TRPM3: variants seen among roughly 807,000 people sequenced by gnomAD.
TRPM3 encodes the protein long transient receptor potential channel 3.
In TRPM3, 77 loss-of-function variants were observed where a neutral mutation model predicts 181.2. The observed-to-expected ratio is 0.42, with a 90% CI of 0.35 to 0.51. The LOEUF (loss-of-function observed/expected upper bound fraction) is 0.51. Ranked by LOEUF, TRPM3 falls within the 20% of genes least tolerant of loss-of-function variation. The probability of loss-of-function intolerance (pLI) is 0.01; values close to 1 mark genes in which losing one functional copy is unlikely to be tolerated. For missense variants in TRPM3, 1,759 were observed against 2,196.7 expected (o/e 0.80, Z 3.98); for synonymous variants, 745 against 796.4 (o/e 0.94, Z 1.09).
chr9:71,331,888 A>AGG (rs2090199429), intron 1 of TRPM3, among the ~76,000 whole-genome samples: 1 of 7,808 alleles, frequency 1.3e-4, no homozygotes, highest in African/African-American at 5.9e-4. Flanking sequence ...GAGGAGGAAG[A>AGG]AGGGGAGGAA....
At chr9:70,765,990 T>G (rs1405852258) in intron 7 of TRPM3, among the ~76,000 whole-genome samples, 1 of 152,204 alleles carries the variant, frequency 6.6e-6, no homozygotes, top group African/African-American at 2.4e-5. Context: ...CAAAGTCATC[T>G]TATTTATGGA....
chr9:70,604,280 G>T (rs150770643), intron 19 of TRPM3, among the ~76,000 whole-genome samples: 1 of 152,286 alleles, frequency 6.6e-6, no homozygotes, highest in Non-Finnish European at 1.5e-5. Context: ...GTTGTGTCAA[G>T]GTGAGTGAAG....
intron 1 of TRPM3, among the ~76,000 whole-genome samples, chr9:71,420,602 AG>A (rs1565556268): frequency 6.8e-6 from 1 of 147,902 alleles, no homozygotes; most frequent in Non-Finnish European, 1.5e-5. Context: ...GAGAAAGAGA[AG>A]AGAAAGAAAG....
intron 1 of TRPM3, among the ~76,000 whole-genome samples, chr9:70,880,048 T>C (rs2095957494): frequency 6.6e-6 from 1 of 152,184 alleles, no homozygotes; most frequent in South Asian, 2.1e-4. Flanking sequence ...ATCTCCACCC[T>C]GCCTTCTGTT....
chr9:70,925,407 T>C (rs1410451629), intron 1 of TRPM3, among the ~76,000 whole-genome samples: 1 of 152,114 alleles, frequency 6.6e-6, no homozygotes, highest in Non-Finnish European at 1.5e-5. Flanking sequence ...GTAAATGTTT[T>C]AGGGAGGCTG....
At chr9:70,872,449 G>T (rs765726474) in intron 1 of TRPM3, among the ~76,000 whole-genome samples, 2 of 151,842 alleles carry the variant, frequency 1.3e-5, no homozygotes, top group Non-Finnish European at 1.5e-5. Flanking sequence ...TCCTGTACCT[G>T]GATAGAACCA....
In TRPM3 at chr9:71,335,780, G is replaced by A. The variant is rs146923894; in HGVS notation, c.183+110873C>T. Among the ~76,000 whole-genome samples the A allele has an allele frequency of 6.6e-3, 518 of 78,020 alleles. 4 individuals are homozygous for A. Among genetic ancestry groups the A allele is most frequent in the African/African-American group, 0.023 (495 of 21,356 alleles). The allele number at this position is 78,020 out of a possible 152,430, so 51.2% of individuals were successfully genotyped here. A position where few individuals can be genotyped will look rare whatever the true frequency, so the allele number is the denominator to read the frequency against. ...GTCAGGTATGGTCTAACATCAAGTG[G>A]AATTTATTAGAATCTAACAAACAGT... On this transcript the variant is annotated intron_variant, in intron 1 of 24. Transcript: ENST00000357533.
intron 1 of TRPM3, among the ~76,000 whole-genome samples, chr9:71,014,839 G>T (rs1470997014): frequency 2.0e-5 from 3 of 151,908 alleles, no homozygotes; most frequent in Non-Finnish European, 2.9e-5. Flanking sequence ...CATTTATGGG[G>T]ATAGCTTATA....
chr9:71,060,826 C>G (rs2061244987), intron 1 of TRPM3, among the ~76,000 whole-genome samples: 1 of 152,114 alleles, frequency 6.6e-6, no homozygotes, highest in Admixed American at 6.6e-5. Context: ...AGGGATATGG[C>G]TGCAAACAAC....
intron 1 of TRPM3, among the ~76,000 whole-genome samples, chr9:71,413,301 G>A (rs1415616221): frequency 6.6e-6 from 1 of 151,934 alleles, no homozygotes; most frequent in Non-Finnish European, 1.5e-5. Context: ...TTTAGCATGA[G>A]GAAGTCCTAA....
intron 6 of TRPM3, among the ~76,000 whole-genome samples, chr9:70,803,191 C>T (rs994811601): frequency 2.6e-5 from 4 of 151,940 alleles, no homozygotes; most frequent in African/African-American, 4.8e-5. Flanking sequence ...AGAAGGGACT[C>T]GCAGCATCCT....
intron 1 of TRPM3, among the ~76,000 whole-genome samples, chr9:71,200,927 T>C (rs1215053143): frequency 1.3e-5 from 2 of 150,998 alleles, no homozygotes; most frequent in African/African-American, 4.9e-5. Flanking sequence ...TGATGTTAGC[T>C]GGTTATTTTG....
At chr9:71,196,213 A>T (rs993736842) in intron 1 of TRPM3, among the ~76,000 whole-genome samples, 26 of 150,772 alleles carry the variant, frequency 1.7e-4, no homozygotes, top group Non-Finnish European at 3.5e-4. Context: ...TATTTGCTCT[A>T]CCTGTGGTAT....
chr9:70,801,892 AACT>A (rs2089203378), intron 6 of TRPM3, among the ~76,000 whole-genome samples: 1 of 152,208 alleles, frequency 6.6e-6, no homozygotes, highest in African/African-American at 2.4e-5. Flanking sequence ...GTTCACTGAA[AACT>A]ATCCCAAGAA....
chr9:71,262,119 C>A lies in TRPM3; in HGVS notation c.183+184534G>T, dbSNP rs10869004. ...CTGCGCCCACAGCTGCCCCTTCCCC[C>A]GGGTGCTCTGTCCCAGGGAGATGAG... On this transcript the variant is annotated intron_variant, in intron 1 of 24. Transcript: ENST00000357533. Among the ~76,000 whole-genome samples, 1,379 of 152,122 alleles carry A rather than the reference C, an allele frequency of 9.1e-3. 9 individuals carry two copies. The highest frequency in any genetic ancestry group is 0.013 in the Non-Finnish European group (906 of 67,978).
chr9:70,540,726 A>T (rs541727418), intron 25 of TRPM3, among the ~76,000 whole-genome samples: 1 of 151,872 alleles, frequency 6.6e-6, no homozygotes, highest in South Asian at 2.1e-4. Flanking sequence ...ATTTATTTTT[A>T]TTTTATTTTT....
intron 1 of TRPM3, among the ~76,000 whole-genome samples, chr9:71,069,234 G>A (rs2062362615): frequency 6.6e-6 from 1 of 152,236 alleles, no homozygotes; most frequent in Non-Finnish European, 1.5e-5. Flanking sequence ...ACAGGCTGGA[G>A]TGCAGTGGCG....
At chr9:70,611,392 C>T (rs111530059) in intron 18 of TRPM3, among the ~76,000 whole-genome samples, 11,742 of 152,040 alleles carry the variant, frequency 0.077, 603 homozygotes, top group East Asian at 0.24. Flanking sequence ...ATGCTGTTCT[C>T]GTGATAGTGA....
At chr9:71,175,301 C>T (rs1050868046) in intron 1 of TRPM3, among the ~76,000 whole-genome samples, 2 of 152,102 alleles carry the variant, frequency 1.3e-5, no homozygotes, top group African/African-American at 4.8e-5. Context: ...TAATAGGCTA[C>T]GATAGGCCTA....
Sources: allele counts gnomAD v4.1 joint callset (sites outside exome capture counted in the v4.1 genomes callset), GRCh38; gene constraint gnomAD v4.1.1; transcripts MANE v1.5; gene names NCBI Gene and HGNC (gene_info 2026-07-23, HGNC 2026-07-21).